The following PHLPP1 variants were observed in gnomAD, a reference collection of about 807,000 sequenced individuals.
The protein encoded by PHLPP1 is PH domain leucine-rich repeat-containing protein phosphatase 1.
A neutral mutation model predicts 117.2 loss-of-function variants in PHLPP1; 42 were observed. The ratio of observed to expected loss-of-function variants is 0.36; its 90% CI spans 0.28 to 0.46. The LOEUF (loss-of-function observed/expected upper bound fraction) is 0.46, where lower values mean the gene tolerates loss of function less well. PHLPP1 is among the 20% of genes least tolerant of loss of function. The pLI is 1.00. For missense variants in PHLPP1, 2,084 were observed against 2,241.9 expected, an observed-to-expected ratio of 0.93 and a Z score of 1.42; for synonymous variants, 1,042 against 970.7, an observed-to-expected ratio of 1.07 and a Z score of -1.37.
chr18:62,716,613 C>T lies in PHLPP1; in HGVS notation c.930C>T (p.Gly310=), dbSNP rs1340772655. 1 of 1,314,710 alleles carries T rather than the reference C, an allele frequency of 7.6e-7. No homozygotes were observed. Among genetic ancestry groups the T allele is most frequent in the Non-Finnish European group, 9.7e-7 (1 of 1,034,854 alleles). 81.4% of individuals were successfully genotyped at this position (1,314,710 alleles called of 1,614,324 possible). Residue 310 remains glycine, a synonymous_variant, in exon 1 of 17, where the codon GGC becomes GGT. Coordinates refer to ENST00000262719, the MANE Select transcript of PHLPP1 (RefSeq NM_194449.4). The surrounding 1 kb of genome is among the most constrained non-coding windows in gnomAD (Gnocchi z 5.7). ...TACCCCTGCCCGTCGGCGGCCCGGG[C>T]GGGTGGTCGCGCCGCGCCAGCCCAG... is the stretch of plus-strand genomic sequence containing the variant. The part of the protein sequence containing the change: ...ADLPLPVGGP[G]GWSRRASPAP...
At chr18:62,944,777 C>T (rs1397800183) in intron 11 of PHLPP1, among the ~76,000 whole-genome samples, 1 of 152,166 alleles carries the variant, frequency 6.6e-6, no homozygotes, top group Non-Finnish European at 1.5e-5. Context: ...GCTTTTGACC[C>T]ATTTAAATAG....
intron 1 of PHLPP1, among the ~76,000 whole-genome samples, chr18:62,748,660 A>G (rs1319029248): frequency 2.0e-5 from 3 of 152,196 alleles, no homozygotes; most frequent in Non-Finnish European, 4.4e-5. Flanking sequence ...TGATATTAAT[A>G]TGATGATAGC....
intron 2 of PHLPP1, chr18:62,832,020 G>A (rs1156887189): frequency 1.3e-5 from 2 of 152,178 alleles, no homozygotes; most frequent in African/African-American, 4.8e-5. Context: ...ATACTCATCT[G>A]TATTACCACT....
At chr18:62,878,868 A>G (rs891291055) in intron 4 of PHLPP1, among the ~76,000 whole-genome samples, 10 of 152,172 alleles carry the variant, frequency 6.6e-5, no homozygotes, top group Middle Eastern at 3.4e-3. Flanking sequence ...CAGATGTACT[A>G]TTTCATTCAA....
intron 9 of PHLPP1, among the ~76,000 whole-genome samples, chr18:62,918,741 G>A (rs1909374603): frequency 6.6e-6 from 1 of 151,958 alleles, no homozygotes; most frequent in Non-Finnish European, 1.5e-5. Flanking sequence ...ATTTGGATTA[G>A]ACAGGAAGAG....
At chr18:62,758,949 T>G (rs1025442263) in intron 1 of PHLPP1, among the ~76,000 whole-genome samples, 6 of 152,206 alleles carry the variant, frequency 3.9e-5, no homozygotes, top group African/African-American at 1.2e-4. Flanking sequence ...TGTGTTTAAT[T>G]CCTGTGTAAT....
At chr18:62,847,053 C>G (rs1376018800) in intron 3 of PHLPP1, among the ~76,000 whole-genome samples, 1 of 152,118 alleles carries the variant, frequency 6.6e-6, no homozygotes, top group Non-Finnish European at 1.5e-5. Context: ...GTTTTATAAT[C>G]CAGTTTTAAA....
chr18:62,758,149 C>A (rs1241884289), intron 1 of PHLPP1, among the ~76,000 whole-genome samples: 1 of 152,170 alleles, frequency 6.6e-6, no homozygotes, highest in East Asian at 1.9e-4. Context: ...GAGTAGAAAT[C>A]TTTTTCCCTA....
At chr18:62,873,478 T>A (rs1915960967) in intron 4 of PHLPP1, among the ~76,000 whole-genome samples, 3 of 152,226 alleles carry the variant, frequency 2.0e-5, no homozygotes, top group Admixed American at 6.5e-5. Context: ...TTTATTATAA[T>A]GTTTCAATTG....
intron 3 of PHLPP1, 59 bp downstream of exon 3, chr18:62,838,968 TC>T: frequency 6.3e-7 from 1 of 1,592,336 alleles, no homozygotes; most frequent in Non-Finnish European, 8.6e-7. Context: ...AAAGTTCCTT[TC>T]TGCTTTAGCT....
rs1911078829 is a variant in PHLPP1, at chr18:62,972,505, G to C, written c.3561-9G>C. ...GTGGACTCAGCACAGAAGTGTGGTT[G>C]CCTTGCAGGTTGTGTGTCGCAGCCC... is the stretch of plus-strand genomic sequence containing the variant. On this transcript the variant is annotated splice_polypyrimidine_tract_variant and intron_variant, in intron 14 of 16. Coordinates refer to ENST00000262719, the MANE Select transcript of PHLPP1 (RefSeq NM_194449.4). The C allele has an allele frequency of 6.2e-7, 1 of 1,610,986 alleles. No individual in the cohort carries two copies. Among genetic ancestry groups the C allele is most frequent in the African/African-American group, 1.3e-5 (1 of 74,856 alleles).
At chr18:62,944,021 C>G (rs1910205700) in intron 11 of PHLPP1, among the ~76,000 whole-genome samples, 1 of 151,708 alleles carries the variant, frequency 6.6e-6, no homozygotes, top group Non-Finnish European at 1.5e-5. Context: ...TCAAGATAAA[C>G]AAGATAATCT....
intron 10 of PHLPP1, among the ~76,000 whole-genome samples, chr18:62,938,387 G>A (rs970204685): frequency 5.9e-5 from 9 of 152,166 alleles, no homozygotes; most frequent in African/African-American, 1.9e-4. Flanking sequence ...CAAAACTAAA[G>A]TATTTGTTCG....
chr18:62,874,516 A>T (rs1915988304), intron 4 of PHLPP1, among the ~76,000 whole-genome samples: 1 of 152,228 alleles, frequency 6.6e-6, no homozygotes, highest in Non-Finnish European at 1.5e-5. Context: ...CTCAAAAAAC[A>T]AACAAAAAAG....
rs138175903 is a variant in PHLPP1, at chr18:62,928,258, C to T, written c.2960+8144C>T. The stretch of plus-strand genomic sequence containing the variant: ...CAAAGGATACCATCAAGAAAGTGAA[C>T]GTGCAACCCACAGAAATATATCTGA... On this transcript the variant is annotated intron_variant, in intron 10 of 16. Transcript: ENST00000262719. Among the ~76,000 whole-genome samples the T allele has an allele frequency of 5.3e-5, 8 of 152,182 alleles. No individual in the cohort carries two copies. The East Asian group carries it at 1.2e-3, about 22-fold the overall frequency.
At chr18:62,904,752 CAG>C (rs1375361724) in intron 7 of PHLPP1, among the ~76,000 whole-genome samples, 2 of 152,182 alleles carry the variant, frequency 1.3e-5, no homozygotes, top group South Asian at 2.1e-4. Context: ...AACACAGTGA[CAG>C]GGGACAGTGG....
intron 1 of PHLPP1, among the ~76,000 whole-genome samples, chr18:62,756,503 T>G (rs1302300891): frequency 6.6e-6 from 1 of 152,160 alleles, no homozygotes; most frequent in African/African-American, 2.4e-5. Flanking sequence ...AGACAATATG[T>G]GGTATGATGA....
intron 2 of PHLPP1, among the ~76,000 whole-genome samples, chr18:62,834,263 C>G (rs1030224640): frequency 7.2e-5 from 11 of 152,116 alleles, no homozygotes; most frequent in Non-Finnish European, 1.3e-4. Context: ...ACACATGCCA[C>G]TTCTCTCTGT....
chr18:62,889,676 A>T (rs1916362200), intron 4 of PHLPP1: 1 of 152,322 alleles, frequency 6.6e-6, no homozygotes, highest in East Asian at 1.9e-4. Context: ...GAACCCAGGG[A>T]AGAACCCACA....
Sources: gnomAD v4.1 joint callset for allele counts (sites outside exome capture counted in the v4.1 genomes callset) on GRCh38, gnomAD v4.1.1 for gene constraint, Gnocchi (gnomAD v3.1) non-coding constraint, MANE v1.5 for transcripts, NCBI Gene and HGNC (gene_info 2026-07-23, HGNC 2026-07-21) for gene names.